Variants in ZSCAN5A observed in about 807,000 individuals in gnomAD.
ZSCAN5A encodes zinc finger and SCAN domain containing 5A.
In ZSCAN5A, 12 loss-of-function variants were observed where a neutral mutation model predicts 23.7. That is an observed-to-expected ratio of 0.51 (90% CI 0.32 to 0.82). ZSCAN5A has a LOEUF of 0.82. Ranked by LOEUF, ZSCAN5A falls within the 40% of genes least tolerant of loss-of-function variation. The probability of loss-of-function intolerance (pLI) is 0.03; values close to 1 mark genes in which losing one functional copy is unlikely to be tolerated. For synonymous variants in ZSCAN5A, 257 were observed against 239.9 expected, an observed-to-expected ratio of 1.07 and a Z score of -0.66; for missense variants, 597 against 617.9, an observed-to-expected ratio of 0.97 and a Z score of 0.36.
intron 2 of ZSCAN5A, among the ~76,000 whole-genome samples, chr19:56,262,364 G>C (rs2037183497): frequency 1.3e-5 from 2 of 150,918 alleles, no homozygotes; most frequent in Admixed American, 1.3e-4. Context: ...GACTATTTTA[G>C]AGTTTCATAA....
chr19:56,231,548 A>C (rs946531031), intron 2 of ZSCAN5A, among the ~76,000 whole-genome samples: 8 of 152,264 alleles, frequency 5.3e-5, no homozygotes, highest in African/African-American at 1.4e-4. Context: ...CACCTCACGT[A>C]AAGGTGGCTC....
chr19:56,266,095 T>C (rs1180125262), intron 2 of ZSCAN5A: 2 of 152,224 alleles, frequency 1.3e-5, no homozygotes, highest in Non-Finnish European at 2.9e-5. Flanking sequence ...TTGGGCAAAG[T>C]TATCTCATTT....
intron 2 of ZSCAN5A, among the ~76,000 whole-genome samples, chr19:56,326,444 G>C (rs2041435154): frequency 6.6e-6 from 1 of 151,960 alleles, no homozygotes; most frequent in Non-Finnish European, 1.5e-5. Flanking sequence ...TCTTATAGCT[G>C]AAAGTTTCTG....
At chr19:56,309,041 C>G (rs1373815814) in intron 2 of ZSCAN5A, among the ~76,000 whole-genome samples, 1 of 152,214 alleles carries the variant, frequency 6.6e-6, no homozygotes, top group Non-Finnish European at 1.5e-5. Context: ...ACACTGATGG[C>G]TGTGACTGTA....
intron 2 of ZSCAN5A, among the ~76,000 whole-genome samples, chr19:56,232,705 G>T (rs550727353): frequency 6.6e-6 from 1 of 151,588 alleles, no homozygotes; most frequent in Admixed American, 6.6e-5. Flanking sequence ...TTCAGACAGG[G>T]TCTTGCTCTG....
At chr19:56,224,566 C>T (rs371861689) in intron 3 of ZSCAN5A, 97 bp downstream of exon 3, 30 of 1,470,418 alleles carry the variant, frequency 2.0e-5, no homozygotes, top group East Asian at 1.8e-4. Flanking sequence ...GAAGCCCTGA[C>T]CTAGAGCAGC....
At chr19:56,254,076 A>C (rs2036538855) in intron 2 of ZSCAN5A, among the ~76,000 whole-genome samples, 1 of 150,182 alleles carries the variant, frequency 6.7e-6, no homozygotes, top group Admixed American at 6.6e-5. Flanking sequence ...TTTTTTTTTA[A>C]ATAAGTCTTC....
chr19:56,259,731 T>TG (rs1173785229), intron 2 of ZSCAN5A, among the ~76,000 whole-genome samples: 1 of 152,220 alleles, frequency 6.6e-6, no homozygotes, highest in Non-Finnish European at 1.5e-5. Context: ...CCCAGCACTT[T>TG]GGGAGGCCAA....
At chr19:56,244,870 G>A (rs2035741383) in intron 2 of ZSCAN5A, among the ~76,000 whole-genome samples, 1 of 151,810 alleles carries the variant, frequency 6.6e-6, no homozygotes, top group African/African-American at 2.4e-5. Flanking sequence ...CCTGAAGCAG[G>A]GAAAGTGGTT....
Position 56,232,667 on chromosome 19 carries a change from A to AT in ZSCAN5A, c.-127-7495dup, listed in dbSNP as rs531446931. Among the ~76,000 whole-genome samples the AT allele has an allele frequency of 5.9e-3, 897 of 150,974 alleles. 8 individuals carry two copies. Among genetic ancestry groups the AT allele is most frequent in the African/African-American group, 0.021 (856 of 41,110 alleles). ...TCTTCCCCTTCCCCTATATAGGCTA[A>AT]TTTTTTTTTCTTTTTCTTTTTCTTT... On this transcript the variant is annotated intron_variant, in intron 2 of 5. Transcript: ENST00000683990.
chr19:56,303,952 G>A (rs1015450966), intron 2 of ZSCAN5A, among the ~76,000 whole-genome samples: 2 of 152,130 alleles, frequency 1.3e-5, no homozygotes, highest in Non-Finnish European at 2.9e-5. Context: ...AGGAACCAAA[G>A]GAACATCTAT....
intron 2 of ZSCAN5A, among the ~76,000 whole-genome samples, chr19:56,229,016 T>C (rs1209779394): frequency 2.0e-5 from 3 of 152,196 alleles, no homozygotes; most frequent in Admixed American, 1.3e-4. Flanking sequence ...GGTTCCCTAG[T>C]TCTCAGCCCC....
At chr19:56,246,929 A>C in intron 2 of ZSCAN5A, 6 of 1,593,032 alleles carry the variant, frequency 3.8e-6, no homozygotes, top group Non-Finnish European at 5.2e-6. Context: ...GAAGGGCCTC[A>C]AGGAGGAGCC....
At chr19:56,240,088 G>A (rs1209139225) in intron 2 of ZSCAN5A, among the ~76,000 whole-genome samples, 1 of 152,016 alleles carries the variant, frequency 6.6e-6, no homozygotes, top group East Asian at 1.9e-4. Context: ...CTTGAACCCA[G>A]GAGGTGGAGC....
chr19:56,251,503 A>T (rs1016710663), intron 2 of ZSCAN5A, among the ~76,000 whole-genome samples: 1 of 152,210 alleles, frequency 6.6e-6, no homozygotes, highest in African/African-American at 2.4e-5. Context: ...TTTAATATAA[A>T]GCAGGGGCTG....
chr19:56,260,578 T>C (rs945016110), intron 2 of ZSCAN5A, among the ~76,000 whole-genome samples: 6 of 152,116 alleles, frequency 3.9e-5, no homozygotes, highest in Admixed American at 2.6e-4. Flanking sequence ...ACTAATATAA[T>C]TACATATTTT....
chr19:56,311,074 T>C (rs1327320612), intron 2 of ZSCAN5A, among the ~76,000 whole-genome samples: 3 of 152,226 alleles, frequency 2.0e-5, no homozygotes, highest in East Asian at 3.8e-4. Flanking sequence ...TGCTAATCTT[T>C]TGATATAAGA....
At chr19:56,354,287 T>C (rs2041688034) in intron 2 of ZSCAN5A, among the ~76,000 whole-genome samples, 2 of 152,168 alleles carry the variant, frequency 1.3e-5, no homozygotes, top group Admixed American at 6.5e-5. Flanking sequence ...AGTCAATTGT[T>C]TGTTTGTATT....
intron 1 of ZSCAN5A, chr19:56,365,057 C>T (rs1351477199): frequency 6.6e-6 from 1 of 152,194 alleles, no homozygotes; most frequent in Non-Finnish European, 1.5e-5. Context: ...AACATCCATT[C>T]CTGGAAACAG....
Sources: allele counts gnomAD v4.1 joint callset (sites outside exome capture counted in the v4.1 genomes callset), GRCh38; gene constraint gnomAD v4.1.1; transcripts MANE v1.5; gene names NCBI Gene and HGNC (gene_info 2026-07-23, HGNC 2026-07-21).